The following R3HDML variants were observed in gnomAD, a reference collection of about 807,000 sequenced individuals.
The protein encoded by R3HDML is R3H domain containing like.
A neutral mutation model predicts 24.2 loss-of-function variants in R3HDML; 21 were observed. The observed-to-expected ratio is 0.87, with a 90% CI of 0.62 to 1.25. R3HDML has a LOEUF of 1.25. Ranked by LOEUF, R3HDML falls within the 50% of genes most tolerant of loss-of-function variation. R3HDML has a pLI of 0.00. For missense variants in R3HDML, 301 were observed against 340.3 expected (o/e 0.88, Z 0.91); for synonymous variants, 133 against 131.5 (o/e 1.01, Z -0.08).
chr20:44,348,777 G>A (rs908554955), intron 4 of R3HDML, among the ~76,000 whole-genome samples: 1 of 152,056 alleles, frequency 6.6e-6, no homozygotes, highest in African/African-American at 2.4e-5. Flanking sequence ...GTCTCCCAAA[G>A]TGCTGGGACT....
chr20:44,337,234 T>C lies in R3HDML; in HGVS notation c.77T>C (p.Met26Thr). ...WAGQAVNALIMPNATPAPAQP... is the reference protein window; with the variant it reads ...WAGQAVNALITPNATPAPAQP... ...GGCCAGGCAGTGAACGCCTTGATAA[T>C]GCCTAATGCTACCCCAGCCCCGGCC... The change falls in exon 1 of 5, where the codon ATG becomes ACG. Residue 26 changes from methionine (M) to threonine (T), a missense_variant. Coordinates refer to ENST00000217043, the MANE Select transcript of R3HDML (RefSeq NM_178491.4). The surrounding 1 kb of genome is among the most constrained non-coding windows in gnomAD (Gnocchi z 4.7). 2 of 1,613,930 alleles carry C rather than the reference T, an allele frequency of 1.2e-6. No individual in the cohort carries two copies. Among genetic ancestry groups the C allele is most frequent in the Non-Finnish European group, 1.7e-6 (2 of 1,180,002 alleles).
At chr20:44,343,297 C>T in intron 2 of R3HDML, 80 bp from the exon 3 acceptor site, 1 of 1,543,940 alleles carries the variant, frequency 6.5e-7, no homozygotes, top group East Asian at 2.3e-5. Context: ...AAGTGATCAC[C>T]CAAGGTCACC....
chr20:44,347,221 C>CTT (rs71337870), intron 4 of R3HDML, among the ~76,000 whole-genome samples: 207 of 145,114 alleles, frequency 1.4e-3, no homozygotes, highest in Middle Eastern at 0.01. Flanking sequence ...TTTCTTTTTT[C>CTT]TTTTTTTTTT....
rs367589355 is a variant in R3HDML, at chr20:44,337,301, G to A, written c.144G>A (p.Glu48=). Residue 48 remains glutamate (E), a synonymous_variant, in exon 1 of 5, where the codon GAG becomes GAA. Transcript: ENST00000217043. The surrounding 1 kb of genome is among the most constrained non-coding windows in gnomAD (Gnocchi z 4.7). ...STAMRLLSGL[E]VPRYRRKRHI... ...CTATGCGGCTCCTGAGTGGCCTGGA[G>A]GTGCCCAGGTACCGCCGGAAGCGCC... The A allele has an allele frequency of 6.2e-7, 1 of 1,614,106 alleles. No homozygotes were observed. The highest frequency in any genetic ancestry group is 1.3e-5 in the African/African-American group (1 of 74,940).
intron 4 of R3HDML, among the ~76,000 whole-genome samples, chr20:44,346,201 G>A (rs1261066057): frequency 6.6e-6 from 1 of 152,022 alleles, no homozygotes; most frequent in Non-Finnish European, 1.5e-5. Context: ...GCTCACTACA[G>A]CCTCGACTGG....
Position 44,341,196 on chromosome 20 carries a change from G to A in R3HDML, c.262G>A (p.Val88Ile). Reference protein sequence around the residue: ...YPPAANMEYMVWDKRLARAAE... With the variant: ...YPPAANMEYMIWDKRLARAAE... ...AATTTCATTGCCTTTCTTTCCCCAG[G>A]TCTGGGACAAGCGGCTGGCCAGGGC... Residue 88 changes from valine (V) to isoleucine (I), a missense_variant and splice_region_variant, in exon 2 of 5, where the codon GTC (valine) becomes ATC (isoleucine). Transcript: ENST00000217043. The A allele has an allele frequency of 6.2e-7, 1 of 1,611,410 alleles. No homozygotes were observed.
rs754616608 is a variant in R3HDML at position 44,345,316 on chromosome 20, C to T, written c.567C>T (p.Ser189=). 2.5e-6 allele frequency: 4 copies of T among 1,614,042 alleles called. No homozygotes were observed. In the African/African-American group the frequency reaches 5.3e-5, roughly 22 times the overall value. The change falls in exon 4 of 5, where the codon AGC becomes AGT. Residue 189 remains serine (S), a synonymous_variant. Transcript: ENST00000217043. ...RLGCAIHTCS[S]ISVWGNTWHR... ...GCTGTGCCATCCACACCTGTAGTAG[C>T]ATCAGTGTCTGGGGCAACACCTGGC...
intron 2 of R3HDML, 76 bp from the exon 3 acceptor site, chr20:44,343,301 G>C: frequency 6.4e-7 from 1 of 1,554,130 alleles, no homozygotes; most frequent in East Asian, 2.3e-5. Flanking sequence ...GATCACCCAA[G>C]GTCACCAGCA....
chr20:44,347,929 C>G (rs1300649051), intron 4 of R3HDML: 1 of 150,232 alleles, frequency 6.7e-6, no homozygotes, highest in African/African-American at 2.4e-5. Flanking sequence ...TACAAGAAAC[C>G]AAATTTCATT....
chr20:44,348,437 TTTTCCCTTTTTCC>T (rs1044246271), intron 4 of R3HDML, among the ~76,000 whole-genome samples: 7 of 151,356 alleles, frequency 4.6e-5, no homozygotes, highest in Non-Finnish European at 7.4e-5. Context: ...TCCCCTTTCC[TTTTCCCTTTTTCC>T]TTTCCCTTTT....
At position 44,337,469 on chromosome 20, in the gene R3HDML, C is replaced by T. The variant is rs754716231; in HGVS notation, c.261+51C>T. ...CCCCCGCAGTGTCCCTTCCGGCAAA[C>T]GCAGCCGGACTCATCTTGGCCTAGA... On this transcript the variant is annotated intron_variant, in intron 1 of 4. Coordinates refer to ENST00000217043, the MANE Select transcript of R3HDML (RefSeq NM_178491.4). This position sits in a 1 kb window ranked among gnomAD's most constrained non-coding sequence, Gnocchi z 4.7. 2.6e-5 allele frequency: 41 copies of T among 1,563,114 alleles called. No homozygotes were observed. The highest frequency in any genetic ancestry group is 2.6e-4 in the Admixed American group (15 of 58,498).
At chr20:44,339,062 TAAA>T (rs750054379) in intron 1 of R3HDML, among the ~76,000 whole-genome samples, 3 of 111,538 alleles carry the variant, frequency 2.7e-5, no homozygotes, top group African/African-American at 6.9e-5. Flanking sequence ...AAACTCTATC[TAAA>T]AAAAAAAAAA....
At chr20:44,340,692 G>A (rs892381594) in intron 1 of R3HDML, among the ~76,000 whole-genome samples, 3 of 152,074 alleles carry the variant, frequency 2.0e-5, no homozygotes, top group Non-Finnish European at 2.9e-5. Flanking sequence ...AGGCTGAGGT[G>A]GGAGGATCGC....
intron 2 of R3HDML, 102 bp downstream of exon 2, chr20:44,341,416 G>C (rs568032940): frequency 3.3e-6 from 3 of 914,302 alleles, no homozygotes; most frequent in Non-Finnish European, 5.0e-6. Context: ...ATACAGTGGC[G>C]AGCAAGGCAG....
rs752778663 is a variant in R3HDML, at chr20:44,343,548, C to T, written c.513+39C>T. 19 of 1,535,176 alleles carry T rather than the reference C, an allele frequency of 1.2e-5. No homozygotes were observed. In the Middle Eastern group the frequency reaches 8.6e-4, roughly 70 times the overall value. ...AGGGCTGAGGGCCCCTGGGATAACA[C>T]ATCCTGGCGCCTTAGAAGAAAAGGA... On this transcript the variant is annotated intron_variant, in intron 3 of 4. Transcript: ENST00000217043.
Position 44,343,448 on chromosome 20 carries a change from G to A in R3HDML, c.452G>A (p.Arg151Lys). The A allele has an allele frequency of 6.2e-7, 1 of 1,613,286 alleles. No individual in the cohort carries two copies. Among genetic ancestry groups the A allele is most frequent in the Non-Finnish European group, 8.5e-7 (1 of 1,179,620 alleles). ...TGGCATTACTTGTTTCCGGCCCCAAGGGACTGTAACCCACACTGCCCCTGG... is the reference window on the plus strand; with the variant it reads ...TGGCATTACTTGTTTCCGGCCCCAAAGGACTGTAACCCACACTGCCCCTGG... ...EKWHYLFPAP[R>K]DCNPHCPWRC... Residue 151 changes from arginine to lysine, a missense_variant, in exon 3 of 5, where the codon AGG (arginine) becomes AAG (lysine). Transcript: ENST00000217043.
Position 44,345,346 on chromosome 20 carries a change from G to A in R3HDML, c.597G>A (p.Arg199=). The A allele has an allele frequency of 3.7e-6, 6 of 1,614,028 alleles. No homozygotes were observed. Among genetic ancestry groups the A allele is most frequent in the Non-Finnish European group, 5.1e-6 (6 of 1,179,980 alleles). ...SISVWGNTWH[R]AAYLVCNYAI... ...GTGTCTGGGGCAACACCTGGCATCG[G>A]GCGGCATACCTGGTCTGCAACTATG... Residue 199 remains arginine, a synonymous_variant, in exon 4 of 5, where the codon CGG becomes CGA. Transcript: ENST00000217043.
intron 4 of R3HDML, among the ~76,000 whole-genome samples, chr20:44,348,482 C>CCTT (rs373380291): frequency 1.1e-4 from 15 of 135,130 alleles, no homozygotes; most frequent in South Asian, 2.4e-4. Context: ...TTTTCCCTTT[C>CCTT]TCCTTTCCTT....
chr20:44,341,122 A>G, intron 1 of R3HDML, 74 bp from the exon 2 acceptor site: 1 of 1,236,672 alleles, frequency 8.1e-7, no homozygotes, highest in Non-Finnish European at 1.2e-6. Context: ...CACCAGGTAA[A>G]TGTGCATCTC....
Sources: gnomAD v4.1 joint callset for allele counts (sites outside exome capture counted in the v4.1 genomes callset) on GRCh38, gnomAD v4.1.1 for gene constraint, Gnocchi (gnomAD v3.1) non-coding constraint, MANE v1.5 for transcripts, NCBI Gene and HGNC (gene_info 2026-07-23, HGNC 2026-07-21) for gene names.